Variants in DYNC1I1 observed in about 807,000 individuals in gnomAD.
DYNC1I1 encodes dynein cytoplasmic 1 intermediate chain 1, also known as cytoplasmic dynein 1 intermediate chain 1.
Under a neutral mutation model 86.6 loss-of-function variants are expected in DYNC1I1, and 43 were observed. That is an observed-to-expected ratio of 0.50 (90% CI 0.39 to 0.64). DYNC1I1 has a LOEUF of 0.64. DYNC1I1 is among the 30% of genes least tolerant of loss of function. The pLI is 0.00. For synonymous variants in DYNC1I1, 262 were observed against 283.7 expected (o/e 0.92, Z 0.77); for missense variants, 604 against 788.8 (o/e 0.77, Z 2.81).
At chr7:96,050,298 G>C (rs1227362505) in intron 14 of DYNC1I1, among the ~76,000 whole-genome samples, 1 of 152,138 alleles carries the variant, frequency 6.6e-6, no homozygotes, top group Non-Finnish European at 1.5e-5. Context: ...ACTTTGCATA[G>C]CTAAATGATT....
intron 10 of DYNC1I1, among the ~76,000 whole-genome samples, chr7:96,013,122 G>A (rs1231435902): frequency 3.9e-5 from 6 of 152,066 alleles, no homozygotes; most frequent in African/African-American, 1.4e-4. Context: ...GTAATCACAA[G>A]GGATCTCATA....
chr7:95,782,553 T>C (rs1434690586), intron 1 of DYNC1I1, among the ~76,000 whole-genome samples: 2 of 152,224 alleles, frequency 1.3e-5, no homozygotes, highest in Admixed American at 1.3e-4. Flanking sequence ...TGAGCACTTT[T>C]GGGCCCCAGC....
At chr7:95,987,691 G>T (rs751257212) in intron 9 of DYNC1I1, among the ~76,000 whole-genome samples, 2 of 152,032 alleles carry the variant, frequency 1.3e-5, no homozygotes, top group African/African-American at 4.8e-5. Flanking sequence ...ATTCAACCAC[G>T]AACAGCCTAT....
At chr7:96,019,175 G>A (rs2115898473) in intron 10 of DYNC1I1, among the ~76,000 whole-genome samples, 2 of 152,262 alleles carry the variant, frequency 1.3e-5, no homozygotes, top group South Asian at 4.1e-4. Context: ...TCTTTGTAGT[G>A]AGAACACATA....
intron 7 of DYNC1I1, among the ~76,000 whole-genome samples, chr7:95,978,267 T>A (rs929262474): frequency 6.6e-6 from 1 of 152,212 alleles, no homozygotes; most frequent in African/African-American, 2.4e-5. Flanking sequence ...GGATACATAA[T>A]GTACAAGTAC....
At chr7:95,964,090 G>T (rs1177407842) in intron 6 of DYNC1I1, among the ~76,000 whole-genome samples, 1 of 152,144 alleles carries the variant, frequency 6.6e-6, no homozygotes, top group African/African-American at 2.4e-5. Context: ...TTAATGCCAG[G>T]ATAAAAGCAA....
chr7:95,817,472 G>A (rs185504966), intron 4 of DYNC1I1, among the ~76,000 whole-genome samples: 1 of 152,182 alleles, frequency 6.6e-6, no homozygotes, highest in East Asian at 1.9e-4. Flanking sequence ...ATTATACAAA[G>A]TAATGCTCTA....
intron 5 of DYNC1I1, among the ~76,000 whole-genome samples, chr7:95,829,734 T>C (rs1795280454): frequency 2.0e-5 from 3 of 152,142 alleles, no homozygotes; most frequent in African/African-American, 4.8e-5. Context: ...GGATATAGCA[T>C]ATCTGTGGAC....
intron 3 of DYNC1I1, among the ~76,000 whole-genome samples, chr7:95,811,818 A>G (rs1794837356): frequency 6.6e-6 from 1 of 152,184 alleles, no homozygotes. Flanking sequence ...GATATGAGTT[A>G]GACACATTGC....
At chr7:95,879,307 A>T (rs1464598083) in intron 6 of DYNC1I1, among the ~76,000 whole-genome samples, 10 of 152,238 alleles carry the variant, frequency 6.6e-5, no homozygotes, top group Admixed American at 6.5e-4. Flanking sequence ...TAGAAAGGTA[A>T]TATATTTTCT....
chr7:96,101,268 GA>G (rs1235916046), downstream of DYNC1I1, among the ~76,000 whole-genome samples: 2 of 152,194 alleles, frequency 1.3e-5, no homozygotes, highest in African/African-American at 4.8e-5. Flanking sequence ...TAACTTCTAT[GA>G]CCAAAAACAT....
At chr7:95,968,244 G>C (rs1584208979) in intron 6 of DYNC1I1, among the ~76,000 whole-genome samples, 1 of 152,060 alleles carries the variant, frequency 6.6e-6, no homozygotes, top group East Asian at 1.9e-4. Flanking sequence ...CAAAAGAAGG[G>C]TATACAAAGA....
chr7:95,869,039 A>G (rs1790090983), intron 5 of DYNC1I1, among the ~76,000 whole-genome samples: 1 of 152,202 alleles, frequency 6.6e-6, no homozygotes, highest in Admixed American at 6.5e-5. Context: ...ACAACGGACC[A>G]AGACTCATAA....
intron 6 of DYNC1I1, among the ~76,000 whole-genome samples, chr7:95,936,614 C>T (rs1033368067): frequency 1.8e-4 from 27 of 151,814 alleles, no homozygotes; most frequent in Non-Finnish European, 3.4e-4. Flanking sequence ...GTAATTAGTA[C>T]ATTTTGTGTA....
At chr7:95,989,018 G>C (rs756924277) in intron 9 of DYNC1I1, among the ~76,000 whole-genome samples, 2 of 152,170 alleles carry the variant, frequency 1.3e-5, no homozygotes, top group African/African-American at 4.8e-5. Flanking sequence ...CTCACAAAGA[G>C]CTTCTGGATC....
At chr7:95,804,977 A>G (rs1381331231) in intron 2 of DYNC1I1, 140 bp downstream of exon 2, 1 of 1,381,560 alleles carries the variant, frequency 7.2e-7, no homozygotes, top group Non-Finnish European at 9.4e-7. Context: ...CCTATTCTGC[A>G]TGGTAAAGTT....
chr7:95,817,600 C>A (rs904154070), intron 4 of DYNC1I1, among the ~76,000 whole-genome samples: 1 of 151,990 alleles, frequency 6.6e-6, no homozygotes, highest in Non-Finnish European at 1.5e-5. Flanking sequence ...CTTTTTAGAT[C>A]CTCTCATAGA....
At chr7:95,981,815 T>TAGG (rs1321846660) in intron 7 of DYNC1I1, among the ~76,000 whole-genome samples, 2 of 152,192 alleles carry the variant, frequency 1.3e-5, no homozygotes, top group East Asian at 3.8e-4. Flanking sequence ...TGCCCTTTGC[T>TAGG]ATTAAATCCT....
intron 14 of DYNC1I1, among the ~76,000 whole-genome samples, chr7:96,040,728 T>C (rs983674555): frequency 2.0e-5 from 3 of 151,836 alleles, no homozygotes; most frequent in African/African-American, 4.8e-5. Context: ...TTTTTTTTTT[T>C]TTCTTTTTTT....
Sources: gnomAD v4.1 joint callset for allele counts (sites outside exome capture counted in the v4.1 genomes callset) on GRCh38, gnomAD v4.1.1 for gene constraint, MANE v1.5 for transcripts, NCBI Gene and HGNC (gene_info 2026-07-23, HGNC 2026-07-21) for gene names.